LARP1: variants seen among roughly 807,000 people sequenced by gnomAD.
LARP1 encodes La ribonucleoprotein 1, translational regulator, also known as la-related protein 1.
LARP1 carries 36 observed loss-of-function variants against 122.7 expected under a neutral mutation model. The observed-to-expected ratio is 0.29, with a 90% CI of 0.22 to 0.39. The LOEUF is 0.39. Ranked by LOEUF, LARP1 falls within the 10% of genes least tolerant of loss-of-function variation. The probability of loss-of-function intolerance (pLI) is 1.00; values close to 1 mark genes in which losing one functional copy is unlikely to be tolerated. For synonymous variants in LARP1, 539 were observed against 528.7 expected, an observed-to-expected ratio of 1.02 and a Z score of -0.27; for missense variants, 1,040 against 1,403.6, an observed-to-expected ratio of 0.74 and a Z score of 4.14.
At chr5:154,749,089 G>C (rs1753349563) in intron 1 of LARP1, among the ~76,000 whole-genome samples, 1 of 152,192 alleles carries the variant, frequency 6.6e-6, no homozygotes, top group Non-Finnish European at 1.5e-5. Flanking sequence ...GGTTAGTTAG[G>C]GTCAGGCTGT....
chr5:154,750,685 G>A (rs1227918995), upstream of LARP1, among the ~76,000 whole-genome samples: 1 of 152,128 alleles, frequency 6.6e-6, no homozygotes, highest in Non-Finnish European at 1.5e-5. Flanking sequence ...ACAGCTCACT[G>A]CAGCCTCCAC....
At chr5:154,698,970 C>G (rs1443584321) in intron 1 of LARP1, among the ~76,000 whole-genome samples, 1 of 152,136 alleles carries the variant, frequency 6.6e-6, no homozygotes, top group Non-Finnish European at 1.5e-5. Flanking sequence ...CAGTGCCACT[C>G]CGGAAGAAGA....
chr5:154,750,934 G>T (rs1314686876), upstream of LARP1, among the ~76,000 whole-genome samples: 1 of 152,172 alleles, frequency 6.6e-6, no homozygotes, highest in Non-Finnish European at 1.5e-5. Flanking sequence ...CACATGATGT[G>T]TTTAAACTCT....
rs941294121 is a variant in LARP1 at position 154,755,891 on chromosome 5, G to T, written c.134G>T (p.Arg45Leu). Reference sequence around the variant, plus strand: ...GGCGAGCCCGGGCCAAACGACGTCCGCGGGGGGGAGCCGGACGGCAGCGCT... The same window carrying T: ...GGCGAGCCCGGGCCAAACGACGTCCTCGGGGGGGAGCCGGACGGCAGCGCT... ...GKGEPGPNDV[R>L]GGEPDGSARR... The change falls in exon 1 of 19, where the codon CGC (arginine) becomes CTC (leucine). Residue 45 changes from arginine to leucine, a missense_variant. Transcript: ENST00000518297. 2.7e-5 allele frequency: 27 copies of T among 1,011,582 alleles called. No individual in the cohort carries two copies. Among genetic ancestry groups the T allele is most frequent in the Non-Finnish European group, 3.2e-5 (27 of 845,244 alleles). 62.7% of individuals were successfully genotyped at this position (1,011,582 alleles called of 1,614,324 possible).
upstream of LARP1, among the ~76,000 whole-genome samples, chr5:154,753,689 C>G (rs1753627230): frequency 6.6e-6 from 1 of 152,292 alleles, no homozygotes; most frequent in Admixed American, 6.5e-5. Flanking sequence ...CCCCATTTTT[C>G]CACCAGGAGA....
intron 1 of LARP1, chr5:154,685,662 C>T (rs1324681920): frequency 4.2e-5 from 15 of 358,028 alleles, no homozygotes; most frequent in African/African-American, 1.1e-4. Context: ...CTAGTCTATA[C>T]GATGCCTTTG....
chr5:154,733,307 C>T (rs1756693198), intron 1 of LARP1, among the ~76,000 whole-genome samples: 2 of 152,242 alleles, frequency 1.3e-5, no homozygotes, highest in South Asian at 4.1e-4. Flanking sequence ...CTGTCAATAA[C>T]ACAGGCTTTG....
At chr5:154,805,816 C>T (rs1392404013) in intron 14 of LARP1, 65 bp from the exon 15 acceptor site, 12 of 1,535,524 alleles carry the variant, frequency 7.8e-6, no homozygotes, top group African/African-American at 1.4e-5. Context: ...ATCAGAGGGA[C>T]CCCTCCTGAC....
chr5:154,769,117 G>A (rs1237017043), intron 1 of LARP1, among the ~76,000 whole-genome samples: 2 of 152,244 alleles, frequency 1.3e-5, no homozygotes, highest in Non-Finnish European at 2.9e-5. Flanking sequence ...GGAGTTAAAG[G>A]TATGAGCCAC....
At chr5:154,810,975 A>G (rs1759222072) in intron 16 of LARP1, among the ~76,000 whole-genome samples, 1 of 152,200 alleles carries the variant, frequency 6.6e-6, no homozygotes, top group African/African-American at 2.4e-5. Flanking sequence ...TCACTCTGTT[A>G]TTGTAGCAGA....
Position 154,761,969 on chromosome 5 carries a change from C to T in LARP1, c.436+5776C>T, listed in dbSNP as rs532309832. Among the ~76,000 whole-genome samples the T allele has an allele frequency of 7.2e-5, 11 of 152,192 alleles. 1 individual carries two copies. In the Middle Eastern group the frequency reaches 0.017, roughly 235 times the overall value. ...TGAATTGAAAAAGTCCTGCTGGGCGCGGGGGTTCACACCTGTAATCCTAGC... is the reference window on the plus strand; with the variant it reads ...TGAATTGAAAAAGTCCTGCTGGGCGTGGGGGTTCACACCTGTAATCCTAGC... On this transcript the variant is annotated intron_variant, in intron 1 of 18. Transcript: ENST00000518297.
chr5:154,740,631 C>G (rs1460740703), intron 1 of LARP1, among the ~76,000 whole-genome samples: 7 of 152,198 alleles, frequency 4.6e-5, no homozygotes, highest in Non-Finnish European at 8.8e-5. Context: ...ACCCAGGCAG[C>G]CTGGCCGGAA....
intron 1 of LARP1, among the ~76,000 whole-genome samples, chr5:154,787,714 C>T (rs1209886619): frequency 2.6e-5 from 4 of 152,168 alleles, no homozygotes; most frequent in Admixed American, 2.0e-4. Flanking sequence ...AGAGAAAGAG[C>T]AGGGCACCGT....
chr5:154,689,313 C>T lies in LARP1; in HGVS notation c.-180+6276C>T, dbSNP rs191194837. 5.9e-5 allele frequency among the ~76,000 whole-genome samples: 9 copies of T among 152,236 alleles called. 1 individual carries two copies. The South Asian group carries it at 6.2e-4, about 11-fold the overall frequency. On this transcript the variant is annotated intron_variant, in intron 1 of 18. Coordinates refer to the LARP1 transcript ENST00000687700. ...CCAAAAATACAAAAAATTAGCCAGG[C>T]GTGGTGGCGGCACTTGTAATCCCAG...
In LARP1 at chr5:154,808,485, T is replaced by A. The variant is rs1758980009; in HGVS notation, c.2725T>A (p.Ser909Thr). 3 of 1,613,468 alleles carry A rather than the reference T, an allele frequency of 1.9e-6. No homozygotes were observed. The African/African-American group carries it at 4.0e-5, about 22-fold the overall frequency. The part of the protein sequence containing the change: ...NERKRLGIGQ[S>T]QEMNTLFRFW... ...GCGGAAACGCTTGGGCATTGGCCAG[T>A]CTCAGGAGATGAACACACTCTTCCG... is the stretch of plus-strand genomic sequence containing the variant. The change falls in exon 16 of 19, where the codon TCT becomes ACT. Residue 909 changes from serine (S) to threonine (T), a missense_variant. Physicochemically the swap from Ser to Thr is moderately conservative, Grantham distance 58. Coordinates refer to ENST00000518297, the MANE Select transcript of LARP1 (RefSeq NM_033551.3).
intron 1 of LARP1, among the ~76,000 whole-genome samples, chr5:154,784,305 A>G (rs1011230083): frequency 6.6e-6 from 1 of 152,158 alleles, no homozygotes. Context: ...TAACATTTAC[A>G]ATACCGTGGG....
chr5:154,755,330 C>G (rs1296417071), upstream of LARP1, among the ~76,000 whole-genome samples: 24 of 149,810 alleles, frequency 1.6e-4, no homozygotes, highest in Non-Finnish European at 2.2e-4. Flanking sequence ...CCGCCGCCTG[C>G]CGCGGATCGC....
At chr5:154,767,810 T>C (rs1755078820) in intron 1 of LARP1, among the ~76,000 whole-genome samples, 1 of 152,116 alleles carries the variant, frequency 6.6e-6, no homozygotes, top group African/African-American at 2.4e-5. Context: ...AATAGCCTAG[T>C]TTTGGAGCCC....
chr5:154,688,291 T>A (rs1473961657), intron 1 of LARP1, among the ~76,000 whole-genome samples: 2 of 152,082 alleles, frequency 1.3e-5, no homozygotes, highest in Non-Finnish European at 2.9e-5. Flanking sequence ...TTTCTACATT[T>A]GAATTCTGTT....
Sources: gnomAD v4.1 joint callset for allele counts (sites outside exome capture counted in the v4.1 genomes callset) on GRCh38, gnomAD v4.1.1 for gene constraint, MANE v1.5 for transcripts, NCBI Gene and HGNC (gene_info 2026-07-23, HGNC 2026-07-21) for gene names.